Variants in PPM1E observed in about 807,000 individuals in gnomAD.
The protein encoded by PPM1E is protein phosphatase 1E.
In PPM1E, 20 loss-of-function variants were observed where a neutral mutation model predicts 65.9. The observed-to-expected ratio is 0.30, with a 90% confidence interval of 0.21 to 0.44. The LOEUF (loss-of-function observed/expected upper bound fraction) is 0.44. Among genes scored for constraint, PPM1E ranks in the 20% least tolerant of loss-of-function variants. PPM1E has a pLI of 1.00. For missense variants in PPM1E, 713 were observed against 953.1 expected (o/e 0.75, Z 3.32); for synonymous variants, 352 against 374.9 (o/e 0.94, Z 0.70).
intron 1 of PPM1E, among the ~76,000 whole-genome samples, chr17:58,805,980 AAAAAC>A (rs1422405569): frequency 0.013 from 1,432 of 106,798 alleles, 3 homozygotes; most frequent in Non-Finnish European, 0.02. Flanking sequence ...AAAACAAAAA[AAAAAC>A]AAAACAAAAC....
chr17:58,763,085 T>C (rs2049838795), intron 1 of PPM1E, among the ~76,000 whole-genome samples: 2 of 152,112 alleles, frequency 1.3e-5, no homozygotes, highest in Admixed American at 1.3e-4. Context: ...TTTTAATTTT[T>C]ACACATATAT....
rs565379733 is a variant in PPM1E at position 58,805,183 on chromosome 17, T to C, written c.464+48722T>C. 2.6e-5 allele frequency among the ~76,000 whole-genome samples: 4 copies of C among 152,276 alleles called. No homozygotes were observed. The South Asian group carries it at 8.3e-4, about 32-fold the overall frequency. On this transcript the variant is annotated intron_variant, in intron 1 of 6. Transcript: ENST00000308249. Reference sequence around the variant, plus strand: ...TTGGTTACATGAATAAGATCTTTAGTGGTGATTTCTGAGATTTTGGTGCAC... The same window carrying C: ...TTGGTTACATGAATAAGATCTTTAGCGGTGATTTCTGAGATTTTGGTGCAC...
At chr17:58,965,460 T>A (rs911287710) in intron 2 of PPM1E, among the ~76,000 whole-genome samples, 6 of 152,062 alleles carry the variant, frequency 3.9e-5, no homozygotes, top group African/African-American at 1.4e-4. Flanking sequence ...GGCCAAAGGT[T>A]TTCTCCTCAT....
chr17:58,830,018 A>G (rs2050583059), intron 1 of PPM1E, among the ~76,000 whole-genome samples: 1 of 151,926 alleles, frequency 6.6e-6, no homozygotes, highest in Non-Finnish European at 1.5e-5. Flanking sequence ...CTGTCTCTAG[A>G]AGAAAAATTA....
intron 1 of PPM1E, among the ~76,000 whole-genome samples, chr17:58,771,646 TAAAA>T (rs1271092457): frequency 6.7e-6 from 1 of 148,712 alleles, no homozygotes; most frequent in Non-Finnish European, 1.5e-5. Context: ...AAGAAGAAGA[TAAAA>T]AAGAAAGAAA....
chr17:58,938,680 C>T (rs1392644045), intron 1 of PPM1E, among the ~76,000 whole-genome samples: 3 of 151,956 alleles, frequency 2.0e-5, no homozygotes, highest in Non-Finnish European at 4.4e-5. Context: ...TAAGGATTCT[C>T]CTATGACTGG....
chr17:58,798,152 A>G (rs943677750), intron 1 of PPM1E, among the ~76,000 whole-genome samples: 1 of 152,052 alleles, frequency 6.6e-6, no homozygotes, highest in Non-Finnish European at 1.5e-5. Context: ...AGGAGTTCCT[A>G]ACACATTCTG....
chr17:58,956,624 AT>A lies in PPM1E; in HGVS notation c.583+864del, dbSNP rs199516903. ...GATTTAATTGCATAGGTCATTGTAC[AT>A]TTTTTTCCAGATAAATTATGAGGCT... On this transcript the variant is annotated intron_variant, in intron 2 of 6. Transcript: ENST00000308249. Among the ~76,000 whole-genome samples the A allele has an allele frequency of 7.2e-4, 109 of 152,122 alleles. 1 individual carries two copies. The East Asian group carries it at 0.02, about 28-fold the overall frequency.
intron 1 of PPM1E, among the ~76,000 whole-genome samples, chr17:58,781,434 C>G (rs905521513): frequency 1.6e-4 from 24 of 151,996 alleles, no homozygotes; most frequent in Non-Finnish European, 1.5e-5. Flanking sequence ...AGCCACCGTG[C>G]CTGGCCCAAA....
intron 1 of PPM1E, among the ~76,000 whole-genome samples, chr17:58,837,354 C>CACACACACACAT: frequency 6.7e-6 from 1 of 150,284 alleles, no homozygotes; most frequent in Non-Finnish European, 1.5e-5. Context: ...CACACACACA[C>CACACACACACAT]ACACACTAAA....
rs9891233 is a variant in PPM1E at position 58,898,346 on chromosome 17, A to C, written c.465-57303A>C. Reference sequence around the variant, plus strand: ...AAACAACCCCGTCAAAAAGTAGGCAAAGTATGTGAACAGACAGTTTTCAAA... The same window carrying C: ...AAACAACCCCGTCAAAAAGTAGGCACAGTATGTGAACAGACAGTTTTCAAA... On this transcript the variant is annotated intron_variant, in intron 1 of 6. Coordinates refer to ENST00000308249, the MANE Select transcript of PPM1E (RefSeq NM_014906.5). Among the ~76,000 whole-genome samples, 142 of 152,354 alleles carry C rather than the reference A, an allele frequency of 9.3e-4. 1 individual carries two copies. The highest frequency in any genetic ancestry group is 3.3e-3 in the African/African-American group (138 of 41,584).
intron 1 of PPM1E, among the ~76,000 whole-genome samples, chr17:58,885,407 C>T (rs976688622): frequency 1.3e-5 from 2 of 152,166 alleles, no homozygotes; most frequent in African/African-American, 4.8e-5. Context: ...TGATTTTAAT[C>T]TTTCATGTTA....
At chr17:58,815,617 C>T (rs759482983) in intron 1 of PPM1E, among the ~76,000 whole-genome samples, 16 of 152,082 alleles carry the variant, frequency 1.1e-4, no homozygotes, top group Non-Finnish European at 1.6e-4. Context: ...GTTTTTCCCT[C>T]GGTGCTTTGA....
intron 1 of PPM1E, among the ~76,000 whole-genome samples, chr17:58,932,383 C>A (rs1192258627): frequency 6.6e-6 from 1 of 152,064 alleles, no homozygotes. Context: ...GCAGGAGAAT[C>A]ACTTGAACTC....
At chr17:58,955,559 T>A in intron 1 of PPM1E, 90 bp from the exon 2 acceptor site, 1 of 1,408,958 alleles carries the variant, frequency 7.1e-7, no homozygotes, top group Non-Finnish European at 9.8e-7. Context: ...TTTGAGACAA[T>A]GTTATAATTA....
intron 1 of PPM1E, among the ~76,000 whole-genome samples, chr17:58,774,728 T>TA (rs1392601305): frequency 6.6e-6 from 1 of 152,214 alleles, no homozygotes; most frequent in Non-Finnish European, 1.5e-5. Context: ...GTGTATGTTT[T>TA]ATCTGTGATT....
chr17:58,969,419 T>C, intron 3 of PPM1E, 120 bp from the exon 4 acceptor site: 1 of 951,046 alleles, frequency 1.1e-6, no homozygotes, highest in East Asian at 2.5e-5. Flanking sequence ...TTTAGTCTCA[T>C]TATTCTGAAT....
intron 1 of PPM1E, among the ~76,000 whole-genome samples, chr17:58,937,322 G>C (rs923544041): frequency 4.9e-5 from 7 of 142,094 alleles, no homozygotes; most frequent in African/African-American, 1.8e-4. Context: ...GGAGTGCAGT[G>C]GTGCCATCTC....
At chr17:58,932,891 GT>G (rs1369534695) in intron 1 of PPM1E, among the ~76,000 whole-genome samples, 1 of 152,182 alleles carries the variant, frequency 6.6e-6, no homozygotes, top group African/African-American at 2.4e-5. Flanking sequence ...CCATAAAATT[GT>G]AATAGAGCTG....
Sources: allele counts gnomAD v4.1 joint callset (sites outside exome capture counted in the v4.1 genomes callset), GRCh38; gene constraint gnomAD v4.1.1; transcripts MANE v1.5; gene names NCBI Gene and HGNC (gene_info 2026-07-23, HGNC 2026-07-21).